The following ADGRB3 variants were observed in gnomAD, a reference collection of about 807,000 sequenced individuals.
ADGRB3 encodes the protein adhesion G protein-coupled receptor B3, also known as brain-specific angiogenesis inhibitor 3.
ADGRB3 carries 37 observed loss-of-function variants against 193.4 expected under a neutral mutation model. That is an observed-to-expected ratio of 0.19 (90% CI 0.15 to 0.25). ADGRB3 has a LOEUF of 0.25. Ranked by LOEUF, ADGRB3 falls within the 10% of genes least tolerant of loss-of-function variation. The probability of loss-of-function intolerance (pLI) is 1.00; values close to 1 mark genes in which losing one functional copy is unlikely to be tolerated. For synonymous variants in ADGRB3, 690 were observed against 644.2 expected, an observed-to-expected ratio of 1.07 and a Z score of -1.08; for missense variants, 1,637 against 1,852.9, an observed-to-expected ratio of 0.88 and a Z score of 2.14.
intron 3 of ADGRB3, among the ~76,000 whole-genome samples, chr6:68,789,555 T>C (rs866415001): frequency 1.1e-4 from 17 of 152,218 alleles, no homozygotes; most frequent in Middle Eastern, 3.2e-3. Flanking sequence ...CCTTTGTGGG[T>C]AATCCGACCT....
chr6:68,728,067 A>G (rs1765705454), intron 3 of ADGRB3, among the ~76,000 whole-genome samples: 2 of 151,446 alleles, frequency 1.3e-5, no homozygotes, highest in Admixed American at 6.6e-5. Flanking sequence ...TGACTCTTCT[A>G]TGAGAATGGC....
At chr6:68,674,398 G>T (rs1769036755) in intron 3 of ADGRB3, among the ~76,000 whole-genome samples, 1 of 152,080 alleles carries the variant, frequency 6.6e-6, no homozygotes, top group South Asian at 2.1e-4. Flanking sequence ...CATTAAAAAT[G>T]CAACCACTTT....
At chr6:69,272,144 T>C (rs1002772545) in intron 20 of ADGRB3, among the ~76,000 whole-genome samples, 2 of 152,196 alleles carry the variant, frequency 1.3e-5, no homozygotes, top group African/African-American at 4.8e-5. Context: ...GGACAATTGA[T>C]AGGCATATAA....
chr6:69,241,991 A>G (rs1335548298), intron 20 of ADGRB3, among the ~76,000 whole-genome samples: 2 of 151,934 alleles, frequency 1.3e-5, no homozygotes, highest in African/African-American at 4.8e-5. Context: ...AGAGAAAAAT[A>G]CAAAACACTG....
intron 3 of ADGRB3, among the ~76,000 whole-genome samples, chr6:68,850,539 A>G (rs1304089394): frequency 6.6e-6 from 1 of 151,400 alleles, no homozygotes; most frequent in Non-Finnish European, 1.5e-5. Flanking sequence ...TGAGTAGGCC[A>G]TGTCTTATTG....
chr6:69,204,292 A>AT (rs76098481), intron 17 of ADGRB3, among the ~76,000 whole-genome samples: 33 of 152,094 alleles, frequency 2.2e-4, no homozygotes, highest in African/African-American at 5.1e-4. Flanking sequence ...CTTAAATCAC[A>AT]TTTTTTTTCC....
rs146341581 is a variant in ADGRB3, at chr6:68,928,751, T to G, written c.758-1808T>G. Among the ~76,000 whole-genome samples the G allele has an allele frequency of 9.8e-3, 1,499 of 152,214 alleles. 21 individuals carry two copies. Among genetic ancestry groups the G allele is most frequent in the African/African-American group, 0.034 (1,411 of 41,534 alleles). On this transcript the variant is annotated intron_variant, in intron 3 of 31. Transcript: ENST00000370598. ...CTGCTCAGTGCCAAAATTACCTTAG[T>G]GTGAGCATCAGAGCCCCCAGATGAC...
At chr6:69,065,762 TATACAC>T (rs775455920) in intron 16 of ADGRB3, among the ~76,000 whole-genome samples, 2,827 of 124,732 alleles carry the variant, frequency 0.023, 37 homozygotes, top group East Asian at 0.068. Context: ...CATGTATATA[TATACAC>T]ACACACACAC....
At chr6:69,318,867 A>ATT (rs1236282613) in intron 20 of ADGRB3, among the ~76,000 whole-genome samples, 2 of 150,160 alleles carry the variant, frequency 1.3e-5, no homozygotes, top group Non-Finnish European at 3.0e-5. Flanking sequence ...AACTGTATAT[A>ATT]TATATATATG....
chr6:68,944,821 G>T (rs1767733862), intron 6 of ADGRB3, among the ~76,000 whole-genome samples: 3 of 152,216 alleles, frequency 2.0e-5, no homozygotes, highest in Admixed American at 1.3e-4. Context: ...ACATTTTAAA[G>T]AAAGAGATAG....
chr6:68,780,686 G>GT lies in ADGRB3; in HGVS notation c.757+141262dup, dbSNP rs916106117. On this transcript the variant is annotated intron_variant, in intron 3 of 31. Coordinates refer to ENST00000370598, the MANE Select transcript of ADGRB3 (RefSeq NM_001704.3). The stretch of plus-strand genomic sequence containing the variant: ...TATTTCTGGTGTGCTAAGCACAAGG[G>GT]TTTTTTTTAACTTTTTATTTTGAAA... Among the ~76,000 whole-genome samples the GT allele has an allele frequency of 2.0e-3, 298 of 151,808 alleles. 3 individuals are homozygous for GT. The highest frequency in any genetic ancestry group is 6.7e-3 in the African/African-American group (276 of 41,434).
intron 17 of ADGRB3, among the ~76,000 whole-genome samples, chr6:69,091,479 G>A (rs1772706472): frequency 6.6e-6 from 1 of 152,148 alleles, no homozygotes; most frequent in South Asian, 2.1e-4. Context: ...ATGAGATCAT[G>A]TTCTTTGCAG....
intron 3 of ADGRB3, among the ~76,000 whole-genome samples, chr6:68,843,966 C>T (rs1768220369): frequency 6.6e-6 from 1 of 152,102 alleles, no homozygotes; most frequent in East Asian, 1.9e-4. Flanking sequence ...ACTGGCTATC[C>T]ATAGGCAGAA....
intron 30 of ADGRB3, among the ~76,000 whole-genome samples, chr6:69,379,970 GT>G (rs1769913759): frequency 6.6e-6 from 1 of 151,814 alleles, no homozygotes; most frequent in Non-Finnish European, 1.5e-5. Flanking sequence ...ATACCAAAAT[GT>G]TTTTTAGTTA....
intron 17 of ADGRB3, among the ~76,000 whole-genome samples, chr6:69,104,513 C>T (rs995267434): frequency 4.0e-5 from 6 of 151,806 alleles, no homozygotes; most frequent in African/African-American, 1.5e-4. Flanking sequence ...AGCTTAACTT[C>T]TGCTTGTGAA....
intron 20 of ADGRB3, among the ~76,000 whole-genome samples, chr6:69,282,613 G>A (rs1223169694): frequency 6.6e-6 from 1 of 152,146 alleles, no homozygotes; most frequent in African/African-American, 2.4e-5. Context: ...AGGACAGGTG[G>A]TGATGTTGGA....
chr6:68,671,739 G>A (rs766681486), intron 3 of ADGRB3, among the ~76,000 whole-genome samples: 2 of 151,806 alleles, frequency 1.3e-5, no homozygotes, highest in Admixed American at 6.6e-5. Flanking sequence ...GTTTTGATGC[G>A]TCTTTGTCTG....
intron 10 of ADGRB3, 139 bp downstream of exon 10, chr6:68,975,479 T>C: frequency 1.6e-6 from 1 of 633,882 alleles, no homozygotes; most frequent in Non-Finnish European, 2.6e-6. Flanking sequence ...AGCAATGTGA[T>C]AGAAAGCTAA....
intron 3 of ADGRB3, among the ~76,000 whole-genome samples, chr6:68,750,394 G>A (rs1015646572): frequency 6.6e-6 from 1 of 152,110 alleles, no homozygotes; most frequent in Admixed American, 6.6e-5. Flanking sequence ...ATTACTGACT[G>A]CAACAAGAAT....
Sources: allele counts gnomAD v4.1 joint callset (sites outside exome capture counted in the v4.1 genomes callset), GRCh38; gene constraint gnomAD v4.1.1; transcripts MANE v1.5; gene names NCBI Gene and HGNC (gene_info 2026-07-23, HGNC 2026-07-21).